TUB: variants seen among roughly 807,000 people sequenced by gnomAD.
The protein encoded by TUB is tubby protein homolog.
Under a neutral mutation model 59.7 loss-of-function variants are expected in TUB, and 33 were observed. That is an observed-to-expected ratio of 0.55 (90% CI 0.42 to 0.74). The LOEUF is 0.74. Among genes scored for constraint, TUB ranks in the 30% least tolerant of loss-of-function variants. The pLI, the probability that TUB is intolerant of heterozygous loss-of-function variation, is 0.00. For synonymous variants in TUB, 293 were observed against 256.4 expected (o/e 1.14, Z -1.36); for missense variants, 659 against 672.0 (o/e 0.98, Z 0.21).
chr11:8,034,730 T>A (rs1298893636), upstream of TUB, among the ~76,000 whole-genome samples: 1 of 152,178 alleles, frequency 6.6e-6, no homozygotes, highest in Non-Finnish European at 1.5e-5. Flanking sequence ...CTTGCCAGCT[T>A]CTTCCCTGCC....
chr11:8,020,060 C>T (rs1041006026), intron 1 of TUB, among the ~76,000 whole-genome samples: 1 of 152,220 alleles, frequency 6.6e-6, no homozygotes, highest in Non-Finnish European at 1.5e-5. Flanking sequence ...AAAATAAGAA[C>T]GGAGTGAGTT....
chr11:8,031,733 G>A (rs961196046), intron 1 of TUB, among the ~76,000 whole-genome samples: 6 of 152,332 alleles, frequency 3.9e-5, no homozygotes, highest in Admixed American at 6.5e-5. Context: ...GGCAGTGGCC[G>A]CACCTGCGAG....
intron 1 of TUB, among the ~76,000 whole-genome samples, chr11:8,082,643 T>C (rs770141132): frequency 1.3e-5 from 2 of 152,226 alleles, no homozygotes; most frequent in Non-Finnish European, 2.9e-5. Flanking sequence ...CACAGCTTGC[T>C]CTCTGTTAGA....
Position 8,090,088 on chromosome 11 carries a change from A to G in TUB, c.110A>G (p.Lys37Arg). 1 of 1,610,508 alleles carries G rather than the reference A, an allele frequency of 6.2e-7. No individual in the cohort carries two copies. Among genetic ancestry groups the G allele is most frequent in the African/African-American group, 1.3e-5 (1 of 74,998 alleles). The change falls in exon 3 of 12, where the codon AAG (lysine) becomes AGG (arginine). Residue 37 changes from lysine (K) to arginine (R), a missense_variant. By Grantham distance (26) the Lys-to-Arg change is conservative. Coordinates refer to ENST00000299506, the MANE Select transcript of TUB (RefSeq NM_177972.3). ...LDRQRALLEQKQKKKRQEPLM... is the reference protein window; with the variant it reads ...LDRQRALLEQRQKKKRQEPLM... ...CCATAGCGGGCCCTGCTGGAGCAGA[A>G]GCAGAAGAAGAAGCGCCAGGAGCCC...
intron 2 of TUB, among the ~76,000 whole-genome samples, chr11:8,046,933 A>C (rs1033282478): frequency 3.3e-5 from 5 of 152,116 alleles, no homozygotes; most frequent in Admixed American, 6.5e-5. Flanking sequence ...AATTCGCAAA[A>C]AATTTTCATA....
intron 2 of TUB, among the ~76,000 whole-genome samples, chr11:8,059,808 T>C (rs1013175204): frequency 6.6e-6 from 1 of 152,108 alleles, no homozygotes; most frequent in Admixed American, 6.5e-5. Flanking sequence ...ACAAGTGACA[T>C]GCTCGGGTTG....
chr11:8,055,961 C>T (rs1008540017), intron 2 of TUB, among the ~76,000 whole-genome samples: 1 of 152,196 alleles, frequency 6.6e-6, no homozygotes, highest in Admixed American at 6.5e-5. Flanking sequence ...GGCCCTTAAG[C>T]CCCCAAGAGT....
At position 8,097,888 on chromosome 11, in the gene TUB, G is replaced by C. The variant is rs1401540000; in HGVS notation, c.998+62G>C. ...AGGGAGGGGCAGGGGCAAGCTGTCT[G>C]TAGAGGGCCTGAATCTTCCTGAAGG... On this transcript the variant is annotated intron_variant, in intron 8 of 11. Coordinates refer to ENST00000299506, the MANE Select transcript of TUB (RefSeq NM_177972.3). 2.3e-6 allele frequency: 3 copies of C among 1,302,444 alleles called. No homozygotes were observed. In the East Asian group the frequency reaches 6.9e-5, roughly 30 times the overall value. The allele number at this position is 1,302,444 out of a possible 1,614,324, so 80.7% of individuals were successfully genotyped here. A position where few individuals can be genotyped will look rare whatever the true frequency, so the allele number is the denominator to read the frequency against.
chr11:8,104,799 A>G lies in TUB; in HGVS notation c.*3180A>G, dbSNP rs563195774. 1.8e-4 allele frequency: 28 copies of G among 152,320 alleles called. No individual in the cohort carries two copies. Among genetic ancestry groups the G allele is most frequent in the African/African-American group, 6.7e-4 (28 of 41,588 alleles). The allele number at this position is 152,320 out of a possible 1,614,324, so 9.4% of individuals were successfully genotyped here. A position where few individuals can be genotyped will look rare whatever the true frequency, so the allele number is the denominator to read the frequency against. ...CAAGACACTAGTTCAGAGGAAGCAC[A>G]TAATGTCCAGATCTATGGCGAACAC... On this transcript the variant is annotated 3_prime_UTR_variant, in exon 12 of 12. Coordinates refer to ENST00000299506, the MANE Select transcript of TUB (RefSeq NM_177972.3).
chr11:8,095,595 A>G lies in TUB; in HGVS notation c.495A>G (p.Ala165=), dbSNP rs1943951309. 1 of 1,612,886 alleles carries G rather than the reference A, an allele frequency of 6.2e-7. No homozygotes were observed. The highest frequency in any genetic ancestry group is 1.7e-5 in the Admixed American group (1 of 59,950). Residue 165 remains alanine, a synonymous_variant, in exon 5 of 12, where the codon GCA becomes GCG. Coordinates refer to ENST00000299506, the MANE Select transcript of TUB (RefSeq NM_177972.3). ...TVGQSDHAQD[A]GETAAGGGER... ...GCCAGTCAGACCACGCCCAGGACGC[A>G]GGGGAGACGGCAGCTGGTGGGGGCG...
chr11:8,047,784 GCCATCTCCT>G (rs1435973733), intron 2 of TUB, among the ~76,000 whole-genome samples: 1 of 152,160 alleles, frequency 6.6e-6, no homozygotes, highest in Non-Finnish European at 1.5e-5. Context: ...GGGTGGCTGG[GCCATCTCCT>G]GCATGTGACT....
chr11:8,080,005 G>A (rs1332232172), upstream of TUB, among the ~76,000 whole-genome samples: 1 of 152,188 alleles, frequency 6.6e-6, no homozygotes, highest in East Asian at 1.9e-4. Context: ...GGGTTATTGT[G>A]TTTTATAATT....
chr11:8,033,127 C>G (rs377300151), intron 1 of TUB, among the ~76,000 whole-genome samples: 1 of 152,148 alleles, frequency 6.6e-6, no homozygotes, highest in South Asian at 2.1e-4. Flanking sequence ...CCAGAGGCAC[C>G]GCCCCTCGCC....
At chr11:8,100,781 G>C (rs761099793) in intron 10 of TUB, 45 bp from the exon 11 acceptor site, 1 of 1,606,984 alleles carries the variant, frequency 6.2e-7, no homozygotes, top group Non-Finnish European at 8.5e-7. Context: ...GGGTGGTCAT[G>C]GTGCCAAAGG....
intron 2 of TUB, among the ~76,000 whole-genome samples, chr11:8,059,471 G>A (rs765148322): frequency 2.0e-4 from 30 of 152,306 alleles, no homozygotes; most frequent in Non-Finnish European, 3.1e-4. Flanking sequence ...TTAAAAATGC[G>A]GAGATTCTCT....
Position 8,096,817 on chromosome 11 carries a change from G to A in TUB, c.687+11G>A, listed in dbSNP as rs1944014386. 2 of 1,613,938 alleles carry A rather than the reference G, an allele frequency of 1.2e-6. No individual in the cohort carries two copies. Among genetic ancestry groups the A allele is most frequent in the African/African-American group, 1.3e-5 (1 of 74,926 alleles). On this transcript the variant is annotated intron_variant, in intron 6 of 11. Coordinates refer to ENST00000299506, the MANE Select transcript of TUB (RefSeq NM_177972.3). ...AGGAAGTCCGTCAGGGTGAGTGAGT[G>A]AGTCTGCATCCACAGCAGTTTTTGG...
intron 1 of TUB, 105 bp downstream of exon 1, chr11:8,081,653 C>T: frequency 7.9e-7 from 1 of 1,268,446 alleles, no homozygotes; most frequent in East Asian, 3.1e-5. Flanking sequence ...CCCCACCTAT[C>T]CCAGCACTGG....
Position 8,064,066 on chromosome 11 carries a change from G to A in TUB, c.203+24374G>A, listed in dbSNP as rs573559738. The stretch of plus-strand genomic sequence containing the variant: ...GGTTCTGAGTCTAAGAGCTGGATCA[G>A]GACTGGAAAATGGATAGCTCTGAGT... On this transcript the variant is annotated intron_variant, in intron 2 of 12. Transcript: ENST00000305253. 5.9e-5 allele frequency among the ~76,000 whole-genome samples: 9 copies of A among 152,286 alleles called. No homozygotes were observed. The South Asian group carries it at 1.2e-3, about 21-fold the overall frequency.
chr11:8,045,807 G>A (rs759830503), intron 2 of TUB, among the ~76,000 whole-genome samples: 2 of 152,182 alleles, frequency 1.3e-5, no homozygotes, highest in Non-Finnish European at 2.9e-5. Flanking sequence ...GCCCTTGGCC[G>A]AGGGCTAAGT....
Sources: gnomAD v4.1 joint callset for allele counts (sites outside exome capture counted in the v4.1 genomes callset) on GRCh38, gnomAD v4.1.1 for gene constraint, MANE v1.5 for transcripts, NCBI Gene and HGNC (gene_info 2026-07-23, HGNC 2026-07-21) for gene names.